RAPGEF5: variants seen among roughly 807,000 people sequenced by gnomAD.
RAPGEF5 encodes the protein M-Ras-regulated GEF.
RAPGEF5 carries 65 observed loss-of-function variants against 125.2 expected under a neutral mutation model. The ratio of observed to expected loss-of-function variants is 0.52; its 90% confidence interval spans 0.43 to 0.64. The LOEUF is 0.64. Among genes scored for constraint, RAPGEF5 ranks in the 30% least tolerant of loss-of-function variants. The probability of loss-of-function intolerance (pLI) is 0.00; values close to 1 mark genes in which losing one functional copy is unlikely to be tolerated. For missense variants in RAPGEF5, 958 were observed against 1,048.1 expected (o/e 0.91, Z 1.19); for synonymous variants, 391 against 385.9 (o/e 1.01, Z -0.16).
intron 9 of RAPGEF5, among the ~76,000 whole-genome samples, chr7:22,203,775 T>C (rs1447280087): frequency 6.6e-6 from 1 of 152,142 alleles, no homozygotes; most frequent in Non-Finnish European, 1.5e-5. Context: ...CAGCAGTGCC[T>C]CAGTTCCCTG....
At chr7:22,167,268 G>T in intron 11 of RAPGEF5, 120 bp from the exon 12 acceptor site, 1 of 653,314 alleles carries the variant, frequency 1.5e-6, no homozygotes, top group Admixed American at 3.0e-5. Context: ...GATAGCTGTG[G>T]GAGGGATTAG....
intron 9 of RAPGEF5, among the ~76,000 whole-genome samples, chr7:22,203,598 C>T (rs1030679496): frequency 6.6e-6 from 1 of 152,222 alleles, no homozygotes; most frequent in Non-Finnish European, 1.5e-5. Flanking sequence ...CTTTCTGCTG[C>T]TCCTTGTTCC....
chr7:22,308,965 T>TG (rs903332686), intron 4 of RAPGEF5, among the ~76,000 whole-genome samples: 2 of 152,130 alleles, frequency 1.3e-5, no homozygotes, highest in Admixed American at 1.3e-4. Flanking sequence ...TGTTACATTT[T>TG]GGGGGCAGAG....
chr7:22,306,383 C>A (rs879532705), intron 5 of RAPGEF5, among the ~76,000 whole-genome samples: 10 of 152,146 alleles, frequency 6.6e-5, no homozygotes, highest in Admixed American at 2.6e-4. Context: ...GAGAAACTGT[C>A]TATTCAGATC....
intron 7 of RAPGEF5, among the ~76,000 whole-genome samples, chr7:22,246,290 C>T (rs1169252319): frequency 6.6e-6 from 1 of 152,080 alleles, no homozygotes; most frequent in Non-Finnish European, 1.5e-5. Context: ...GCAAAAGGAA[C>T]AAAGCCAGAA....
chr7:22,333,817 G>C (rs1277309189), intron 1 of RAPGEF5, among the ~76,000 whole-genome samples: 1 of 145,052 alleles, frequency 6.9e-6, no homozygotes. Context: ...CTGTATAGGT[G>C]CTCTTGTGCT....
chr7:22,220,013 G>A lies in RAPGEF5; in HGVS notation c.871-22C>T, dbSNP rs755192614. On this transcript the variant is annotated intron_variant, in intron 8 of 25. Transcript: ENST00000665637. ...CTGCCTTAAGAGTTGGAGAAAAAGC[G>A]AAGATATACTTAAAACCACAGTCCC... The A allele has an allele frequency of 5.0e-6, 8 of 1,612,408 alleles. No homozygotes were observed. In the South Asian group the frequency reaches 6.6e-5, roughly 13 times the overall value.
chr7:22,204,236 C>A (rs537766728), intron 9 of RAPGEF5, among the ~76,000 whole-genome samples: 1 of 152,286 alleles, frequency 6.6e-6, no homozygotes, highest in East Asian at 1.9e-4. Flanking sequence ...GTGTTTGATA[C>A]CTCCTGACTC....
chr7:22,157,748 G>T, intron 15 of RAPGEF5, 107 bp downstream of exon 15: 1 of 1,277,878 alleles, frequency 7.8e-7, no homozygotes, highest in Non-Finnish European at 1.1e-6. Context: ...GCCTTGTCGT[G>T]TTCTGCTCGA....
At chr7:22,302,670 G>C (rs1480675190) in intron 5 of RAPGEF5, among the ~76,000 whole-genome samples, 1 of 152,116 alleles carries the variant, frequency 6.6e-6, no homozygotes, top group East Asian at 1.9e-4. Context: ...GAAATACAGA[G>C]ACTGGGCTCT....
chr7:22,254,608 CAAAA>C (rs11330777), intron 7 of RAPGEF5, among the ~76,000 whole-genome samples: 7 of 83,020 alleles, frequency 8.4e-5, no homozygotes, highest in East Asian at 3.3e-4. Flanking sequence ...AACTCCGTCT[CAAAA>C]AAAAAAAAAA....
chr7:22,298,869 T>C (rs1048585876), intron 5 of RAPGEF5, among the ~76,000 whole-genome samples: 1 of 152,208 alleles, frequency 6.6e-6, no homozygotes, highest in Admixed American at 6.5e-5. Flanking sequence ...CCATTCCACC[T>C]AAGTTTTCAA....
At chr7:22,323,245 G>A (rs1783751476) in intron 1 of RAPGEF5, among the ~76,000 whole-genome samples, 2 of 152,148 alleles carry the variant, frequency 1.3e-5, no homozygotes, top group South Asian at 4.1e-4. Context: ...ACTTCCCATT[G>A]TTAAAGGGCA....
rs551640196 is a variant in RAPGEF5 at position 22,209,972 on chromosome 7, T to C, written c.996+9894A>G. ...AAATGTTTTAACATTTTCTTGTGAC[T>C]AATGCACTTCCAAAAGAACTAATGG... On this transcript the variant is annotated intron_variant, in intron 9 of 25. Coordinates refer to ENST00000665637, the MANE Select transcript of RAPGEF5 (RefSeq NM_012294.5). Among the ~76,000 whole-genome samples, 3 of 152,368 alleles carry C rather than the reference T, an allele frequency of 2.0e-5. No individual in the cohort carries two copies. In the South Asian group the frequency reaches 6.2e-4, roughly 32 times the overall value.
intron 3 of RAPGEF5, among the ~76,000 whole-genome samples, chr7:22,311,115 T>G (rs892312261): frequency 6.6e-6 from 1 of 152,148 alleles, no homozygotes; most frequent in Non-Finnish European, 1.5e-5. Context: ...GACCTCTGCC[T>G]CCTAGACTTG....
In RAPGEF5 at chr7:22,119,145, TG is replaced by T; in HGVS notation, c.*3260del. 1 of 152,316 alleles carries T rather than the reference TG, an allele frequency of 6.6e-6. No individual in the cohort carries two copies. The highest frequency in any genetic ancestry group is 6.5e-5 in the Admixed American group (1 of 15,308). The allele number at this position is 152,316 out of a possible 1,614,324, so 9.4% of individuals were successfully genotyped here. Reference sequence around the variant, plus strand: ...AGAACAGACTCGCAGGGCTGGGATATGGGTAGCAGTGAAAGCCCAGCTCCAG... The same window carrying T: ...AGAACAGACTCGCAGGGCTGGGATATGGTAGCAGTGAAAGCCCAGCTCCAG... On this transcript the variant is annotated 3_prime_UTR_variant, in exon 26 of 26. Transcript: ENST00000665637. The surrounding 1 kb of genome is among the most constrained non-coding windows in gnomAD (Gnocchi z 4.1).
intron 19 of RAPGEF5, among the ~76,000 whole-genome samples, chr7:22,145,725 G>T (rs1583408715): frequency 6.6e-6 from 1 of 152,198 alleles, no homozygotes; most frequent in South Asian, 2.1e-4. Context: ...TCCTGTAGGG[G>T]TGTGGAGGGG....
chr7:22,141,842 G>A (rs1205623044), intron 20 of RAPGEF5, among the ~76,000 whole-genome samples: 1 of 152,094 alleles, frequency 6.6e-6, no homozygotes, highest in Non-Finnish European at 1.5e-5. Context: ...ACTTTCTCCT[G>A]GGTCGACCCC....
chr7:22,139,197 T>C (rs748481184), intron 21 of RAPGEF5, among the ~76,000 whole-genome samples: 6 of 152,072 alleles, frequency 3.9e-5, no homozygotes, highest in Non-Finnish European at 7.4e-5. Context: ...CAGTCAGTGA[T>C]AGGAACTAAA....
Sources: allele counts gnomAD v4.1 joint callset (sites outside exome capture counted in the v4.1 genomes callset), GRCh38; gene constraint gnomAD v4.1.1; non-coding constraint Gnocchi (gnomAD v3.1); transcripts MANE v1.5; gene names NCBI Gene and HGNC (gene_info 2026-07-23, HGNC 2026-07-21).